The following PIN4 variants were observed in gnomAD, a reference collection of about 807,000 sequenced individuals.
PIN4 encodes the protein peptidyl-prolyl cis-trans isomerase NIMA-interacting 4.
A neutral mutation model predicts 8.3 loss-of-function variants in PIN4; 3 were observed. The observed-to-expected ratio is 0.36, with a 90% CI of 0.16 to 0.93. The LOEUF (loss-of-function observed/expected upper bound fraction) is 0.93. Ranked by LOEUF, PIN4 falls within the 40% of genes least tolerant of loss-of-function variation. The probability of loss-of-function intolerance (pLI) is 0.44; values close to 1 mark genes in which losing one functional copy is unlikely to be tolerated. For missense variants in PIN4, 75 were observed against 100.6 expected (o/e 0.75, Z 1.09); for synonymous variants, 18 against 32.5 (o/e 0.55, Z 1.52).
rs770961426 is a variant in PIN4, at chrX:72,205,942, G to T, written c.312+9038G>T. 4.1e-6 allele frequency: 5 copies of T among 1,211,308 alleles called. No individual in the cohort carries two copies. The East Asian group carries it at 8.9e-5, about 21-fold the overall frequency. On this transcript the variant is annotated intron_variant, in intron 3 of 3. Transcript: ENST00000423432. ...TGCATACTGTGGTGAAGATGCTGAA[G>T]GTTCCTCTTCCAACTTGGCCTCACT...
chrX:72,207,438 A>T (rs756526817), intron 3 of PIN4: 1 of 1,211,108 alleles, frequency 8.3e-7, no homozygotes, highest in South Asian at 1.8e-5. Context: ...TATGGTCCAC[A>T]TCTGGGGAAT....
At chrX:72,252,680 G>A (rs962427582) in intron 3 of PIN4, among the ~76,000 whole-genome samples, 2 of 111,824 alleles carry the variant, frequency 1.8e-5, no homozygotes, top group African/African-American at 6.5e-5. Flanking sequence ...GTGAGCCACC[G>A]CGCCCGGTCC....
chrX:72,240,499 G>A (rs1236247335), intron 3 of PIN4, among the ~76,000 whole-genome samples: 1 of 111,731 alleles, frequency 9.0e-6, no homozygotes, highest in Non-Finnish European at 1.9e-5. Context: ...TTTATAGACC[G>A]TTATGAGTTA....
intron 2 of PIN4, among the ~76,000 whole-genome samples, chrX:72,187,607 T>G (rs2042710002): frequency 9.0e-6 from 1 of 111,644 alleles, no homozygotes; most frequent in Admixed American, 9.6e-5. Context: ...GAGACCAGCC[T>G]GGGCAATATA....
intron 3 of PIN4, among the ~76,000 whole-genome samples, chrX:72,253,573 C>T (rs1037160092): frequency 9.6e-4 from 106 of 109,996 alleles, no homozygotes; most frequent in African/African-American, 3.4e-3. Context: ...TGCAGTGAGC[C>T]GAGATCACAC....
chrX:72,249,069 G>A (rs1363927708), intron 3 of PIN4, among the ~76,000 whole-genome samples: 1 of 111,139 alleles, frequency 9.0e-6, no homozygotes, highest in Admixed American at 9.6e-5. Flanking sequence ...ATATTTATCT[G>A]ACAAAAGACT....
At chrX:72,238,804 C>T (rs780450392) in intron 3 of PIN4, 2 of 1,147,340 alleles carry the variant, frequency 1.7e-6, no homozygotes, top group Admixed American at 2.5e-5. Context: ...CACCCTGGGC[C>T]AGGTCGGTTA....
At chrX:72,249,304 C>A (rs2043078457) in intron 3 of PIN4, among the ~76,000 whole-genome samples, 1 of 112,168 alleles carries the variant, frequency 8.9e-6, no homozygotes, top group Admixed American at 9.5e-5. Flanking sequence ...AAAAGACAGA[C>A]AATACCAAGT....
At chrX:72,241,623 G>T (rs1025362478) in intron 3 of PIN4, among the ~76,000 whole-genome samples, 1 of 112,203 alleles carries the variant, frequency 8.9e-6, no homozygotes, top group Non-Finnish European at 1.9e-5. Context: ...GGGAGTTCGA[G>T]ACCAGCCTGA....
intron 3 of PIN4, among the ~76,000 whole-genome samples, chrX:72,250,127 C>G (rs762536881): frequency 1.8e-5 from 2 of 108,815 alleles, no homozygotes; most frequent in Non-Finnish European, 3.8e-5. Flanking sequence ...AAGTCTCTCC[C>G]ACTATCACAA....
intron 3 of PIN4, among the ~76,000 whole-genome samples, chrX:72,252,154 A>T (rs921076928): frequency 9.1e-6 from 1 of 110,299 alleles, no homozygotes; most frequent in African/African-American, 3.3e-5. Flanking sequence ...TAATAAAAAA[A>T]ATTTTTTTTT....
At chrX:72,205,027 A>G in intron 3 of PIN4, 1 of 1,191,434 alleles carries the variant, frequency 8.4e-7, no homozygotes, top group Non-Finnish European at 1.1e-6. Flanking sequence ...ATTGTTATTA[A>G]GTTGCTTATA....
At chrX:72,216,274 C>G (rs1256082501) in intron 3 of PIN4, among the ~76,000 whole-genome samples, 1 of 108,978 alleles carries the variant, frequency 9.2e-6, no homozygotes, top group Non-Finnish European at 1.9e-5. Context: ...AGCCAAAAAG[C>G]TCCTAGGATT....
At chrX:72,224,211 T>C (rs2042941817) in intron 3 of PIN4, among the ~76,000 whole-genome samples, 1 of 111,341 alleles carries the variant, frequency 9.0e-6, no homozygotes, top group Admixed American at 9.6e-5. Context: ...GTTCATAATT[T>C]TCTGTTGTTG....
chrX:72,193,017 A>G (rs1211044634), intron 2 of PIN4, among the ~76,000 whole-genome samples: 1 of 111,043 alleles, frequency 9.0e-6, no homozygotes, highest in African/African-American at 3.3e-5. Flanking sequence ...AACCTCATGA[A>G]TTCCACACTT....
chrX:72,217,734 A>C (rs986024734), intron 3 of PIN4, among the ~76,000 whole-genome samples: 1 of 111,683 alleles, frequency 9.0e-6, no homozygotes, highest in African/African-American at 3.3e-5. Context: ...AATAAAAAAA[A>C]ACACAAAAAG....
chrX:72,251,525 T>C lies in PIN4; in HGVS notation c.313-11182T>C, dbSNP rs142947675. Among the ~76,000 whole-genome samples, 484 of 111,200 alleles carry C rather than the reference T, an allele frequency of 4.4e-3. 2 individuals are homozygous for C. Among genetic ancestry groups the C allele is most frequent in the African/African-American group, 0.015 (448 of 30,475 alleles). On this transcript the variant is annotated intron_variant, in intron 3 of 3. Coordinates refer to the PIN4 transcript ENST00000423432. ...TTCCCATAAACAATATATGAAAGTGTGTGTTTTCCCCACCTTTGCTAACAG... is the reference window on the plus strand; with the variant it reads ...TTCCCATAAACAATATATGAAAGTGCGTGTTTTCCCCACCTTTGCTAACAG...
chrX:72,185,304 T>C (rs1199838790), intron 1 of PIN4, among the ~76,000 whole-genome samples: 1 of 110,587 alleles, frequency 9.0e-6, no homozygotes, highest in African/African-American at 3.3e-5. Context: ...CAGATTTGGC[T>C]TCATCCATAC....
chrX:72,259,657 C>T (rs946933256), intron 3 of PIN4, among the ~76,000 whole-genome samples: 1 of 106,779 alleles, frequency 9.4e-6, no homozygotes, highest in Admixed American at 1.0e-4. Flanking sequence ...TTGACTTGCC[C>T]ACTATCACAG....
Sources: allele counts gnomAD v4.1 joint callset (sites outside exome capture counted in the v4.1 genomes callset), GRCh38; gene constraint gnomAD v4.1.1; transcripts MANE v1.5; gene names NCBI Gene and HGNC (gene_info 2026-07-23, HGNC 2026-07-21).